ARSI: variants seen among roughly 807,000 people sequenced by gnomAD.
ARSI encodes the protein arylsulfatase I.
A neutral mutation model predicts 42.1 loss-of-function variants in ARSI; 37 were observed. The observed-to-expected ratio is 0.88, with a 90% CI of 0.68 to 1.16. ARSI has a LOEUF of 1.16. ARSI is among the 50% of genes most tolerant of loss of function. The pLI is 0.00. For synonymous variants in ARSI, 305 were observed against 320.3 expected, an observed-to-expected ratio of 0.95 and a Z score of 0.51; for missense variants, 725 against 790.1, an observed-to-expected ratio of 0.92 and a Z score of 0.99.
At position 150,297,127 on chromosome 5, in the gene ARSI, G is replaced by T; in HGVS notation, c.*87C>A. On this transcript the variant is annotated 3_prime_UTR_variant, in exon 2 of 2. Coordinates refer to ENST00000328668, the MANE Select transcript of ARSI (RefSeq NM_001012301.4). The surrounding 1 kb of genome is among the most constrained non-coding windows in gnomAD (Gnocchi z 7.0). ...CACCCTCCAACTCCCTGTAGATGGA[G>T]ATGTGACAGGCTTCTCCCTGAGAAA... The T allele has an allele frequency of 2.8e-6, 4 of 1,406,634 alleles. No individual in the cohort carries two copies. Among genetic ancestry groups the T allele is most frequent in the Non-Finnish European group, 1.9e-6 (2 of 1,034,164 alleles). 87.1% of individuals were successfully genotyped at this position (1,406,634 alleles called of 1,614,324 possible). A position where few individuals can be genotyped will look rare whatever the true frequency, so the allele number is the denominator to read the frequency against.
In ARSI at chr5:150,297,555, T is replaced by C. The variant is rs756624315; in HGVS notation, c.1369A>G (p.Ser457Gly). The C allele has an allele frequency of 6.2e-7, 1 of 1,612,324 alleles. No individual in the cohort carries two copies. ...AAGAGCCACACGGCCTGGCGGACAC[T>C]GGCCATTCGTTCCAGGTTCCACCAG... Reference protein sequence around the residue: ...GSWWNLERMASVRQAVWLFNI... With the variant: ...GSWWNLERMAGVRQAVWLFNI... The change falls in exon 2 of 2, where the codon AGT becomes GGT. Residue 457 changes from serine (S) to glycine (G), a missense_variant. Coordinates refer to ENST00000328668, the MANE Select transcript of ARSI (RefSeq NM_001012301.4). The surrounding 1 kb of genome is among the most constrained non-coding windows in gnomAD (Gnocchi z 7.0).
In ARSI at chr5:150,301,987, A is replaced by G. The variant is rs1757926201; in HGVS notation, c.311+76T>C. On this transcript the variant is annotated intron_variant, in intron 1 of 1. Transcript: ENST00000328668. ...TTCCCAGATCCCAGCATGGGGTGGTACTGGCAGGAGAAATCTATCAACTGG... is the reference window on the plus strand; with the variant it reads ...TTCCCAGATCCCAGCATGGGGTGGTGCTGGCAGGAGAAATCTATCAACTGG... The G allele has an allele frequency of 7.0e-6, 10 of 1,420,396 alleles. No homozygotes were observed. In the South Asian group the frequency reaches 1.4e-4, roughly 20 times the overall value. The allele number at this position is 1,420,396 out of a possible 1,614,324, so 88.0% of individuals were successfully genotyped here.
rs1306230410 is a variant in ARSI, at chr5:150,298,417, G to A, written c.507C>T (p.Gly169=). The change falls in exon 2 of 2, where the codon GGC becomes GGT. Residue 169 remains glycine (G), a synonymous_variant. Coordinates refer to ENST00000328668, the MANE Select transcript of ARSI (RefSeq NM_001012301.4). The part of the protein sequence containing the change: ...PTRRGFDTFL[G]SLTGNVDYYT... ...AATAGTCCACATTGCCCGTGAGCGA[G>A]CCCAGGAAGGTGTCGAAGCCCCGAC... 6.2e-7 allele frequency: 1 copy of A among 1,614,222 alleles called. No individual in the cohort carries two copies.
Position 150,302,392 on chromosome 5 carries a change from G to C in ARSI, c.-19C>G, listed in dbSNP as rs1757937766. ...TGTGCATCGCCAAGCCGGCCCGCGC[G>C]TCCCGGCGCGCCGGGCTCCTGGGGC... On this transcript the variant is annotated 5_prime_UTR_variant, in exon 1 of 2. Transcript: ENST00000328668. This position sits in a 1 kb window ranked among gnomAD's most constrained non-coding sequence, Gnocchi z 6.1. 4 of 1,413,516 alleles carry C rather than the reference G, an allele frequency of 2.8e-6. No homozygotes were observed. The highest frequency in any genetic ancestry group is 3.7e-6 in the Non-Finnish European group (4 of 1,085,644). The allele number at this position is 1,413,516 out of a possible 1,614,324, so 87.6% of individuals were successfully genotyped here. A position where few individuals can be genotyped will look rare whatever the true frequency, so the allele number is the denominator to read the frequency against.
Position 150,297,135 on chromosome 5 carries a change from A to G in ARSI, c.*79T>C. On this transcript the variant is annotated 3_prime_UTR_variant, in exon 2 of 2. Transcript: ENST00000328668. The surrounding 1 kb of genome is among the most constrained non-coding windows in gnomAD (Gnocchi z 7.0). ...AACTCCCTGTAGATGGAGATGTGAC[A>G]GGCTTCTCCCTGAGAAACAGCAGGG... is the stretch of plus-strand genomic sequence containing the variant. The G allele has an allele frequency of 7.0e-7, 1 of 1,435,240 alleles. No homozygotes were observed. Among genetic ancestry groups the G allele is most frequent in the Middle Eastern group, 1.8e-4 (1 of 5,456 alleles). 88.9% of individuals were successfully genotyped at this position (1,435,240 alleles called of 1,614,324 possible).
In ARSI at chr5:150,298,233, G is replaced by A; in HGVS notation, c.691C>T (p.Leu231Phe). 6.2e-7 allele frequency: 1 copy of A among 1,614,200 alleles called. No individual in the cohort carries two copies. Among genetic ancestry groups the A allele is most frequent in the Non-Finnish European group, 8.5e-7 (1 of 1,180,044 alleles). The part of the protein sequence containing the change: ...ASHSPQRPLF[L>F]YVAFQAVHTP... ...TGTACTGCCTGGAAGGCCACATAGA[G>A]GAAGAGGGGACGCTGAGGGCTGTGG... Residue 231 changes from leucine to phenylalanine, a missense_variant, in exon 2 of 2, where the codon CTC becomes TTC. By Grantham distance (22) the Leu-to-Phe change is conservative (BLOSUM62 0). Transcript: ENST00000328668.
chr5:150,297,896 G>A lies in ARSI; in HGVS notation c.1028C>T (p.Ala343Val), dbSNP rs1242865906. The part of the protein sequence containing the change: ...LLKRKQRTSR[A>V]LMHITDWYPT... ...GTACCAGTCAGTGATGTGCATCAGT[G>A]CCCGGCTTGTCCGTTGCTTTCGCTT... is the stretch of plus-strand genomic sequence containing the variant. The change falls in exon 2 of 2, where the codon GCA becomes GTA. Residue 343 changes from alanine to valine, a missense_variant. Coordinates refer to ENST00000328668, the MANE Select transcript of ARSI (RefSeq NM_001012301.4). The surrounding 1 kb of genome is among the most constrained non-coding windows in gnomAD (Gnocchi z 7.0). 1.7e-5 allele frequency: 27 copies of A among 1,612,224 alleles called. No homozygotes were observed. Among genetic ancestry groups the A allele is most frequent in the Non-Finnish European group, 2.1e-5 (25 of 1,179,526 alleles).
Position 150,298,344 on chromosome 5 carries a change from G to C in ARSI, c.580C>G (p.His194Asp), listed in dbSNP as rs377239983. The C allele has an allele frequency of 2.1e-5, 34 of 1,614,100 alleles. No homozygotes were observed. Among genetic ancestry groups the C allele is most frequent in the Middle Eastern group, 1.7e-4 (1 of 6,058 alleles). ...CCCCAGGCCACATTCTCACCCTCGT[G>C]CAGGTCGAAGCCGCACACGCCTGGG... ...DGPGVCGFDL[H>D]EGENVAWGLS... is the part of the protein sequence containing the mutation. The change falls in exon 2 of 2, where the codon CAC becomes GAC. Residue 194 changes from histidine to aspartate, a missense_variant. Coordinates refer to ENST00000328668, the MANE Select transcript of ARSI (RefSeq NM_001012301.4).
chr5:150,298,026 C>A lies in ARSI; in HGVS notation c.898G>T (p.Gly300Cys). The stretch of plus-strand genomic sequence containing the variant: ...TTGCTGCCCCCCGAGAAAGTCTGGC[C>A]ACCATTGTCACTGGAGAAGATGATG... ...SVIIFSSDNG[G>C]QTFSGGSNWP... The change falls in exon 2 of 2, where the codon GGC becomes TGC. Residue 300 changes from glycine to cysteine, a missense_variant. Physicochemically the swap from Gly to Cys is radical, Grantham distance 159. Transcript: ENST00000328668. 6.2e-7 allele frequency: 1 copy of A among 1,612,636 alleles called. No individual in the cohort carries two copies. The highest frequency in any genetic ancestry group is 1.1e-5 in the South Asian group (1 of 91,060).
At chr5:150,299,137 A>G (rs1757876410) in intron 1 of ARSI, among the ~76,000 whole-genome samples, 1 of 152,128 alleles carries the variant, frequency 6.6e-6, no homozygotes. Context: ...GGGATTTATA[A>G]CCCAAGCAGT....
Position 150,298,394 on chromosome 5 carries a change from T to C in ARSI, c.530A>G (p.Tyr177Cys), listed in dbSNP as rs772074709. ...GCCATCACAGTTGTCATAGGTGTAA[T>C]AGTCCACATTGCCCGTGAGCGAGCC... is the stretch of plus-strand genomic sequence containing the variant. ...FLGSLTGNVD[Y>C]YTYDNCDGPG... Residue 177 changes from tyrosine to cysteine, a missense_variant, in exon 2 of 2, where the codon TAT becomes TGT. Tyr to Cys is a radical substitution (Grantham distance 194). Transcript: ENST00000328668. 2 of 1,614,176 alleles carry C rather than the reference T, an allele frequency of 1.2e-6. No individual in the cohort carries two copies. Among genetic ancestry groups the C allele is most frequent in the South Asian group, 1.1e-5 (1 of 91,080 alleles).
Position 150,297,113 on chromosome 5 carries a change from T to A in ARSI, c.*101A>T. 7.5e-7 allele frequency: 1 copy of A among 1,332,704 alleles called. No homozygotes were observed. Among genetic ancestry groups the A allele is most frequent in the African/African-American group, 1.5e-5 (1 of 68,016 alleles). The allele number at this position is 1,332,704 out of a possible 1,614,324, so 82.6% of individuals were successfully genotyped here. On this transcript the variant is annotated 3_prime_UTR_variant, in exon 2 of 2. Coordinates refer to ENST00000328668, the MANE Select transcript of ARSI (RefSeq NM_001012301.4). This position sits in a 1 kb window ranked among gnomAD's most constrained non-coding sequence, Gnocchi z 7.0. ...ACCAAGGGACTCTACACCCTCCAAC[T>A]CCCTGTAGATGGAGATGTGACAGGC...
At position 150,302,096 on chromosome 5, in the gene ARSI, C is replaced by T. The variant is rs1757928462; in HGVS notation, c.278G>A (p.Cys93Tyr). Reference protein sequence around the residue: ...KLENYYIQPICTPSRSQLLTG... With the variant: ...KLENYYIQPIYTPSRSQLLTG... Reference sequence around the variant, plus strand: ...GAGGAGCTGGCTCCGCGAAGGCGTGCAGATGGGCTGGATGTAATAATTCTC... The same window carrying T: ...GAGGAGCTGGCTCCGCGAAGGCGTGTAGATGGGCTGGATGTAATAATTCTC... Residue 93 changes from cysteine to tyrosine, a missense_variant, in exon 1 of 2, where the codon TGC becomes TAC. Transcript: ENST00000328668. The surrounding 1 kb of genome is among the most constrained non-coding windows in gnomAD (Gnocchi z 6.1). 5 of 1,605,094 alleles carry T rather than the reference C, an allele frequency of 3.1e-6. No homozygotes were observed. The highest frequency in any genetic ancestry group is 3.4e-6 in the Non-Finnish European group (4 of 1,176,338).
rs1298249325 is a variant in ARSI at position 150,296,358 on chromosome 5, C to T, written c.*856G>A. On this transcript the variant is annotated 3_prime_UTR_variant, in exon 2 of 2. Coordinates refer to ENST00000328668, the MANE Select transcript of ARSI (RefSeq NM_001012301.4). Reference sequence around the variant, plus strand: ...CATCCCTCACTTCCATGTTACGACACTTTAATCAAGTTCACAAGCTCCTCC... The same window carrying T: ...CATCCCTCACTTCCATGTTACGACATTTTAATCAAGTTCACAAGCTCCTCC... The T allele has an allele frequency of 6.6e-6, 1 of 152,394 alleles. No homozygotes were observed. Among genetic ancestry groups the T allele is most frequent in the African/African-American group, 2.4e-5 (1 of 41,468 alleles). 9.4% of individuals were successfully genotyped at this position (152,394 alleles called of 1,614,324 possible).
In ARSI at chr5:150,297,868, C is replaced by T. The variant is rs551670528; in HGVS notation, c.1056G>A (p.Pro352=). ...TACCACCTGCCAGACCCACCAGGGT[C>T]GGGTACCAGTCAGTGATGTGCATCA... The part of the protein sequence containing the change: ...RALMHITDWY[P]TLVGLAGGTT... Residue 352 remains proline (P), a synonymous_variant, in exon 2 of 2, where the codon CCG becomes CCA. Transcript: ENST00000328668. The surrounding 1 kb of genome is among the most constrained non-coding windows in gnomAD (Gnocchi z 7.0). 27 of 1,611,948 alleles carry T rather than the reference C, an allele frequency of 1.7e-5. No individual in the cohort carries two copies. The highest frequency in any genetic ancestry group is 5.5e-5 in the South Asian group (5 of 90,918).
Position 150,298,241 on chromosome 5 carries a change from G to A in ARSI, c.683C>T (p.Pro228Leu), listed in dbSNP as rs1453092204. 1 of 1,614,186 alleles carries A rather than the reference G, an allele frequency of 6.2e-7. No individual in the cohort carries two copies. Among genetic ancestry groups the A allele is most frequent in the Non-Finnish European group, 8.5e-7 (1 of 1,180,036 alleles). The change falls in exon 2 of 2, where the codon CCC (proline) becomes CTC (leucine). Residue 228 changes from proline to leucine, a missense_variant. Pro to Leu is a moderately conservative substitution (Grantham distance 98, BLOSUM62 -3). Transcript: ENST00000328668. ...HILASHSPQR[P>L]LFLYVAFQAV... is the part of the protein sequence containing the mutation. Reference sequence around the variant, plus strand: ...CTGGAAGGCCACATAGAGGAAGAGGGGACGCTGAGGGCTGTGGCTGGCCAG... The same window carrying A: ...CTGGAAGGCCACATAGAGGAAGAGGAGACGCTGAGGGCTGTGGCTGGCCAG...
Position 150,302,246 on chromosome 5 carries a change from G to T in ARSI, c.128C>A (p.Pro43Gln), listed in dbSNP as rs2150322018. The change falls in exon 1 of 2, where the codon CCG becomes CAG. Residue 43 changes from proline (P) to glutamine (Q), a missense_variant. Physicochemically the swap from Pro to Gln is moderately conservative, Grantham distance 76. Transcript: ENST00000328668. The surrounding 1 kb of genome is among the most constrained non-coding windows in gnomAD (Gnocchi z 6.1). ...GEAGEQPSAA[P>Q]PQPPHIIFIL... ...GAAGATGATGTGGGGAGGCTGGGGC[G>T]GAGCGGCCGAGGGCTGCTCGCCAGC... 3 of 1,612,206 alleles carry T rather than the reference G, an allele frequency of 1.9e-6. No homozygotes were observed. Among genetic ancestry groups the T allele is most frequent in the Non-Finnish European group, 2.5e-6 (3 of 1,179,652 alleles).
chr5:150,297,439 A>G lies in ARSI; in HGVS notation c.1485T>C (p.Tyr495=). Residue 495 remains tyrosine (Y), a synonymous_variant, in exon 2 of 2, where the codon TAT becomes TAC. Transcript: ENST00000328668. The surrounding 1 kb of genome is among the most constrained non-coding windows in gnomAD (Gnocchi z 7.0). ...AGCGTACCGGGATGGCTGTGCGGTTATATTCGGCCAGGCGAGCCAGCAGGG... is the reference window on the plus strand; with the variant it reads ...AGCGTACCGGGATGGCTGTGCGGTTGTATTCGGCCAGGCGAGCCAGCAGGG... The part of the protein sequence containing the change: ...VRTLLARLAE[Y]NRTAIPVRYP... 2 of 1,609,760 alleles carry G rather than the reference A, an allele frequency of 1.2e-6. No homozygotes were observed. The highest frequency in any genetic ancestry group is 2.2e-5 in the South Asian group (2 of 90,450).
intron 1 of ARSI, among the ~76,000 whole-genome samples, chr5:150,300,880 T>C (rs1249705591): frequency 6.6e-6 from 1 of 152,170 alleles, no homozygotes; most frequent in Non-Finnish European, 1.5e-5. Context: ...ACATTGGTCT[T>C]CACCACTACA....
Sources: allele counts gnomAD v4.1 joint callset (sites outside exome capture counted in the v4.1 genomes callset), GRCh38; gene constraint gnomAD v4.1.1; non-coding constraint Gnocchi (gnomAD v3.1); transcripts MANE v1.5; gene names NCBI Gene and HGNC (gene_info 2026-07-23, HGNC 2026-07-21).